The following ACTG2 variants were observed in gnomAD, a reference collection of about 807,000 sequenced individuals.
The protein encoded by ACTG2 is actin gamma 2, smooth muscle.
In ACTG2, 16 loss-of-function variants were observed where a neutral mutation model predicts 37.6. The ratio of observed to expected loss-of-function variants is 0.43; its 90% confidence interval spans 0.29 to 0.65. ACTG2 has a LOEUF of 0.65. ACTG2 is among the 30% of genes least tolerant of loss of function. The probability of loss-of-function intolerance (pLI) is 0.18; values close to 1 mark genes in which losing one functional copy is unlikely to be tolerated. For missense variants in ACTG2, 238 were observed against 490.9 expected (o/e 0.48, Z 4.87); for synonymous variants, 181 against 179.9 (o/e 1.01, Z -0.05).
intron 2 of ACTG2, 141 bp downstream of exon 2, chr2:73,901,578 GTGT>G (rs1558622402): frequency 1.1e-4 from 11 of 96,634 alleles, no homozygotes; most frequent in African/African-American, 1.0e-3. Context: ...GTGTGTGTGT[GTGT>G]CTGTGCGTGT....
chr2:73,902,002 G>C (rs1573462321), intron 2 of ACTG2, among the ~76,000 whole-genome samples: 1 of 142,330 alleles, frequency 7.0e-6, no homozygotes, highest in East Asian at 2.0e-4. Context: ...GGGACTTGAG[G>C]AGGATGCATA....
At chr2:73,902,521 T>G (rs762594700) in intron 3 of ACTG2, 33 bp downstream of exon 3, 1 of 1,613,172 alleles carries the variant, frequency 6.2e-7, no homozygotes, top group Non-Finnish European at 8.5e-7. Flanking sequence ...TGAGCCTGCT[T>G]TAATGATCAC....
At chr2:73,906,402 G>C (rs1485477924) in intron 3 of ACTG2, among the ~76,000 whole-genome samples, 1 of 152,104 alleles carries the variant, frequency 6.6e-6, no homozygotes, top group Non-Finnish European at 1.5e-5. Flanking sequence ...AGTGAGCCGA[G>C]ATGGCGCCAC....
chr2:73,916,773 T>C lies in ACTG2; in HGVS notation c.987+8T>C. 6.2e-7 allele frequency: 1 copy of C among 1,612,108 alleles called. No homozygotes were observed. ...AGCACCATGAAGATCAAGGTGGGTC[T>C]TGCCTCAGTTGTCTCCATCCTGTTC... On this transcript the variant is annotated splice_region_variant and intron_variant, in intron 8 of 8. Transcript: ENST00000345517.
At chr2:73,902,824 A>AG (rs1341713462) in intron 3 of ACTG2, 5 of 1,494,624 alleles carry the variant, frequency 3.3e-6, no homozygotes, top group African/African-American at 2.8e-5. Flanking sequence ...ATTAACCAAC[A>AG]GGGGGTTCCT....
At chr2:73,913,254 C>CA (rs901029632) in intron 5 of ACTG2, among the ~76,000 whole-genome samples, 30 of 149,806 alleles carry the variant, frequency 2.0e-4, no homozygotes, top group Middle Eastern at 6.9e-3. Flanking sequence ...TCAAGGAATA[C>CA]AAAAAAAGGA....
intron 5 of ACTG2, among the ~76,000 whole-genome samples, chr2:73,910,418 G>A (rs1420188458): frequency 8.0e-6 from 1 of 124,514 alleles, no homozygotes; most frequent in Non-Finnish European, 1.7e-5. Context: ...CCAGGCTGGA[G>A]TGCAGTAGCG....
At chr2:73,904,248 C>CAAAAAAAAAAA (rs61261289) in intron 3 of ACTG2, among the ~76,000 whole-genome samples, 1 of 65,208 alleles carries the variant, frequency 1.5e-5, no homozygotes. Context: ...GACCATGTCT[C>CAAAAAAAAAAA]AAAAAAAAAA....
chr2:73,896,439 G>A (rs958982690), intron 1 of ACTG2, among the ~76,000 whole-genome samples: 5 of 151,992 alleles, frequency 3.3e-5, no homozygotes, highest in East Asian at 1.9e-4. Context: ...CAATGTCTAC[G>A]GCACCTTCAT....
intron 8 of ACTG2, among the ~76,000 whole-genome samples, chr2:73,918,961 G>A (rs761439445): frequency 1.3e-5 from 2 of 152,194 alleles, no homozygotes; most frequent in Non-Finnish European, 2.9e-5. Context: ...GTGCATCTGC[G>A]CATCACCTGG....
chr2:73,911,980 A>G (rs907983951), intron 5 of ACTG2, among the ~76,000 whole-genome samples: 2 of 152,240 alleles, frequency 1.3e-5, no homozygotes, highest in African/African-American at 2.4e-5. Flanking sequence ...TGTGCCAAAC[A>G]TGGTACCAGG....
intron 1 of ACTG2, among the ~76,000 whole-genome samples, chr2:73,894,243 G>A (rs920215639): frequency 2.0e-5 from 3 of 152,196 alleles, no homozygotes; most frequent in African/African-American, 7.2e-5. Context: ...CGACACTGAA[G>A]CTGCTGGTCT....
chr2:73,916,374 GAAAAAA>G (rs56292295), intron 7 of ACTG2, among the ~76,000 whole-genome samples: 1 of 127,106 alleles, frequency 7.9e-6, no homozygotes, highest in Non-Finnish European at 1.6e-5. Flanking sequence ...CTCCATCTCA[GAAAAAA>G]AAAAAAAAAA....
At chr2:73,898,866 G>A (rs1333557174) in intron 1 of ACTG2, among the ~76,000 whole-genome samples, 7 of 142,188 alleles carry the variant, frequency 4.9e-5, no homozygotes, top group African/African-American at 7.9e-5. Context: ...GCAGTGGCTC[G>A]ATCTTGGCTC....
At chr2:73,918,154 G>A (rs113453735) in intron 8 of ACTG2, among the ~76,000 whole-genome samples, 4,532 of 152,298 alleles carry the variant, frequency 0.03, 234 homozygotes, top group African/African-American at 0.1. Context: ...GAGCAAATGT[G>A]TCCAGGCAGG....
intron 1 of ACTG2, among the ~76,000 whole-genome samples, chr2:73,898,483 A>AT (rs1679802047): frequency 6.6e-6 from 1 of 151,332 alleles, no homozygotes; most frequent in Middle Eastern, 3.2e-3. Flanking sequence ...AATTTTGATC[A>AT]TTTTAAACAA....
intron 1 of ACTG2, among the ~76,000 whole-genome samples, chr2:73,895,606 A>C (rs1679729969): frequency 6.6e-6 from 1 of 152,218 alleles, no homozygotes; most frequent in Admixed American, 6.5e-5. Flanking sequence ...TCATCATCGC[A>C]GAGGCCCTCC....
chr2:73,913,277 G>A (rs1271636732), intron 5 of ACTG2, among the ~76,000 whole-genome samples: 1 of 151,886 alleles, frequency 6.6e-6, no homozygotes. Flanking sequence ...CATTTTACTT[G>A]CCCTCCAGAG....
At chr2:73,904,756 T>TGC (rs1679974332) in intron 3 of ACTG2, among the ~76,000 whole-genome samples, 1 of 54,546 alleles carries the variant, frequency 1.8e-5, no homozygotes, top group African/African-American at 8.8e-5. Context: ...TGTGTGTGTG[T>TGC]GTGTGTGTGT....
Sources: gnomAD v4.1 joint callset for allele counts (sites outside exome capture counted in the v4.1 genomes callset) on GRCh38, gnomAD v4.1.1 for gene constraint, MANE v1.5 for transcripts, NCBI Gene and HGNC (gene_info 2026-07-23, HGNC 2026-07-21) for gene names.